The following TPH1 variants were observed in gnomAD, a reference collection of about 807,000 sequenced individuals.
The protein encoded by TPH1 is tryptophan 5-hydroxylase 1.
Under a neutral mutation model 49.5 loss-of-function variants are expected in TPH1, and 37 were observed. The observed-to-expected ratio is 0.75, with a 90% confidence interval of 0.58 to 0.98. The LOEUF (loss-of-function observed/expected upper bound fraction) is 0.98. Ranked by LOEUF, TPH1 falls within the 50% of genes least tolerant of loss-of-function variation. The pLI is 0.00. For synonymous variants in TPH1, 160 were observed against 182.1 expected (o/e 0.88, Z 0.98); for missense variants, 487 against 523.6 (o/e 0.93, Z 0.68).
rs773693413 is a variant in TPH1, at chr11:18,036,180, C to G, written c.118-38G>C. ...CAGGGAAAAGATTTCATGTAACTGC[C>G]TCAAATGTTAATAGTCTTTGAGCAG... On this transcript the variant is annotated intron_variant, in intron 2 of 10. Coordinates refer to ENST00000682019, the MANE Select transcript of TPH1 (RefSeq NM_004179.3). 2.6e-6 allele frequency: 4 copies of G among 1,517,844 alleles called. No homozygotes were observed. The Admixed American group carries it at 6.8e-5, about 26-fold the overall frequency. The allele number at this position is 1,517,844 out of a possible 1,614,324, so 94.0% of individuals were successfully genotyped here. A position where few individuals can be genotyped will look rare whatever the true frequency, so the allele number is the denominator to read the frequency against.
chr11:18,026,031 C>T (rs983957265), intron 7 of TPH1, among the ~76,000 whole-genome samples: 3 of 152,008 alleles, frequency 2.0e-5, no homozygotes, highest in Non-Finnish European at 2.9e-5. Flanking sequence ...CTTCCCTGAT[C>T]ACCCTTTTCA....
In TPH1 at chr11:18,018,792, CA is replaced by C. The variant is rs1482549691; in HGVS notation, c.*2198del. The C allele has an allele frequency of 7.3e-6, 1 of 136,924 alleles. No homozygotes were observed. The highest frequency in any genetic ancestry group is 2.7e-5 in the African/African-American group (1 of 36,564). The allele number at this position is 136,924 out of a possible 1,614,324, so 8.5% of individuals were successfully genotyped here. A position where few individuals can be genotyped will look rare whatever the true frequency, so the allele number is the denominator to read the frequency against. ...GCTTTAGTCATAGAGTGATTTTAAA[CA>C]TCATCATTTTAAAATTCAATAAGTA... is the stretch of plus-strand genomic sequence containing the variant. On this transcript the variant is annotated 3_prime_UTR_variant, in exon 11 of 11. Coordinates refer to ENST00000682019, the MANE Select transcript of TPH1 (RefSeq NM_004179.3).
intron 3 of TPH1, among the ~76,000 whole-genome samples, chr11:18,035,601 G>A (rs1036194640): frequency 6.6e-6 from 1 of 151,698 alleles, no homozygotes; most frequent in Non-Finnish European, 1.5e-5. Context: ...GCTAGTTTTT[G>A]TATTTTTTGC....
In TPH1 at chr11:18,021,681, C is replaced by G. The variant is rs143504052; in HGVS notation, c.1161-516G>C. 1.3e-3 allele frequency among the ~76,000 whole-genome samples: 203 copies of G among 152,218 alleles called. 1 individual carries two copies. The highest frequency in any genetic ancestry group is 4.5e-3 in the African/African-American group (186 of 41,534). ...ACCCCAAAATAGACTAGGAATGGTC[C>G]TACCTCCTGCACATGTTAGATTTTT... On this transcript the variant is annotated intron_variant, in intron 10 of 10. Coordinates refer to ENST00000682019, the MANE Select transcript of TPH1 (RefSeq NM_004179.3).
chr11:18,038,377 G>A (rs528768174), intron 2 of TPH1, among the ~76,000 whole-genome samples: 47 of 152,162 alleles, frequency 3.1e-4, no homozygotes, highest in Non-Finnish European at 5.9e-4. Flanking sequence ...ACACAGCAGC[G>A]TGCATAGGTC....
At position 18,019,748 on chromosome 11, in the gene TPH1, G is replaced by T; in HGVS notation, c.*1243C>A. ...CATCTTCATTTAGTGACTAGAGGGA[G>T]GAAAGGGGCAAATTAAAGAGACATA... On this transcript the variant is annotated 3_prime_UTR_variant, in exon 11 of 11. Coordinates refer to ENST00000682019, the MANE Select transcript of TPH1 (RefSeq NM_004179.3). 2.2e-6 allele frequency: 1 copy of T among 458,196 alleles called. No individual in the cohort carries two copies. The allele number at this position is 458,196 out of a possible 1,614,324, so 28.4% of individuals were successfully genotyped here. A position where few individuals can be genotyped will look rare whatever the true frequency, so the allele number is the denominator to read the frequency against.
chr11:18,045,834 A>C (rs1175556524), intron 1 of TPH1, among the ~76,000 whole-genome samples: 1 of 152,154 alleles, frequency 6.6e-6, no homozygotes, highest in African/African-American at 2.4e-5. Context: ...AAAAAAAGAG[A>C]CATTGCCCTT....
Position 18,017,969 on chromosome 11 carries a change from G to GT in TPH1, c.*3021dup, listed in dbSNP as rs1443879520. The stretch of plus-strand genomic sequence containing the variant: ...CGGCTGGGCATGGTGGCTCATGCTT[G>GT]TAATCCCAGCACTTTGGGAGGCCGA... On this transcript the variant is annotated 3_prime_UTR_variant, in exon 11 of 11. Transcript: ENST00000682019. 6.6e-6 allele frequency: 1 copy of GT among 152,202 alleles called. No homozygotes were observed. Among genetic ancestry groups the GT allele is most frequent in the East Asian group, 1.9e-4 (1 of 5,204 alleles). 9.4% of individuals were successfully genotyped at this position (152,202 alleles called of 1,614,324 possible).
Position 18,017,735 on chromosome 11 carries a change from T to C in TPH1, c.*3256A>G, listed in dbSNP as rs1259616621. 6.6e-6 allele frequency: 1 copy of C among 152,254 alleles called. No homozygotes were observed. Among genetic ancestry groups the C allele is most frequent in the African/African-American group, 2.4e-5 (1 of 41,470 alleles). The allele number at this position is 152,254 out of a possible 1,614,324, so 9.4% of individuals were successfully genotyped here. A position where few individuals can be genotyped will look rare whatever the true frequency, so the allele number is the denominator to read the frequency against. ...TTCCTTTAGAGAATTCAGGATTTTT[T>C]TCTTTTTTGAATTTGGAAGCCAACT... On this transcript the variant is annotated 3_prime_UTR_variant, in exon 11 of 11. Coordinates refer to ENST00000682019, the MANE Select transcript of TPH1 (RefSeq NM_004179.3).
In TPH1 at chr11:18,036,015, G is replaced by T. The variant is rs1223680162; in HGVS notation, c.245C>A (p.Ser82Tyr). The T allele has an allele frequency of 1.9e-6, 3 of 1,612,572 alleles. No individual in the cohort carries two copies. The highest frequency in any genetic ancestry group is 2.5e-6 in the Non-Finnish European group (3 of 1,179,858). Residue 82 changes from serine (S) to tyrosine (Y), a missense_variant, in exon 3 of 11, where the codon TCT becomes TAT. By Grantham distance (144) the Ser-to-Tyr change is moderately radical. Transcript: ENST00000682019. ...ATTCACAGAGAGAACATTGGTATGA[G>T]ACTTCAGCAGATGAAAAATATCATT... is the stretch of plus-strand genomic sequence containing the variant. ...QLNDIFHLLK[S>Y]HTNVLSVNLP...
chr11:18,025,205 T>C (rs1302782959), intron 8 of TPH1, among the ~76,000 whole-genome samples: 1 of 152,206 alleles, frequency 6.6e-6, no homozygotes, highest in Non-Finnish European at 1.5e-5. Context: ...AGATAACCTA[T>C]TATTGTAATC....
intron 4 of TPH1, among the ~76,000 whole-genome samples, chr11:18,032,251 C>A (rs971480838): frequency 1.3e-5 from 2 of 152,158 alleles, no homozygotes; most frequent in Non-Finnish European, 2.9e-5. Context: ...CAGGAAACAA[C>A]TTCCTAGTTC....
chr11:18,040,722 T>C lies in TPH1; in HGVS notation c.41A>G (p.Glu14Gly). 1 of 1,612,504 alleles carries C rather than the reference T, an allele frequency of 6.2e-7. No individual in the cohort carries two copies. Among genetic ancestry groups the C allele is most frequent in the Non-Finnish European group, 8.5e-7 (1 of 1,179,046 alleles). ...DNKENKDHSL[E>G]RGRASLIFSL... is the part of the protein sequence containing the mutation. The stretch of plus-strand genomic sequence containing the variant: ...AAAAATGAGACTTGCTCTTCCCCTT[T>C]CTAAGGAATGGTCTTTGTTCTCCTT... Residue 14 changes from glutamate to glycine, a missense_variant, in exon 2 of 11, where the codon GAA becomes GGA. Physicochemically the swap from Glu to Gly is moderately conservative, Grantham distance 98. Transcript: ENST00000682019.
At position 18,045,312 on chromosome 11, in the gene TPH1, A is replaced by G. The variant is rs1434529097; in HGVS notation, c.-27+929T>C. Among the ~76,000 whole-genome samples, 4 of 152,230 alleles carry G rather than the reference A, an allele frequency of 2.6e-5. No individual in the cohort carries two copies. The South Asian group carries it at 8.3e-4, about 32-fold the overall frequency. On this transcript the variant is annotated intron_variant, in intron 1 of 10. Coordinates refer to ENST00000682019, the MANE Select transcript of TPH1 (RefSeq NM_004179.3). ...ATACAAAAGAAAACACTATCCATGA[A>G]AAACAGTATTCTAGGAAATAAAGGC...
intron 2 of TPH1, among the ~76,000 whole-genome samples, chr11:18,038,476 A>G (rs190300511): frequency 2.6e-5 from 4 of 152,344 alleles, no homozygotes; most frequent in Admixed American, 2.0e-4. Flanking sequence ...CAAAGACTAC[A>G]TATTCTAAAG....
At position 18,020,012 on chromosome 11, in the gene TPH1, ACT is replaced by A. The variant is rs1854339262; in HGVS notation, c.*977_*978del. On this transcript the variant is annotated 3_prime_UTR_variant, in exon 11 of 11. Coordinates refer to ENST00000682019, the MANE Select transcript of TPH1 (RefSeq NM_004179.3). Reference sequence around the variant, plus strand: ...TCACCTTATACCTTAGAAATAAAGTACTCAGCACTGTTTTTTCTATCTTTTAC... The same window carrying A: ...TCACCTTATACCTTAGAAATAAAGTACAGCACTGTTTTTTCTATCTTTTAC... The A allele has an allele frequency of 4.1e-6, 1 of 244,516 alleles. No individual in the cohort carries two copies. The highest frequency in any genetic ancestry group is 2.3e-5 in the African/African-American group (1 of 43,542). 15.1% of individuals were successfully genotyped at this position (244,516 alleles called of 1,614,324 possible). A position where few individuals can be genotyped will look rare whatever the true frequency, so the allele number is the denominator to read the frequency against.
At chr11:18,035,360 T>C (rs531235098) in intron 3 of TPH1, among the ~76,000 whole-genome samples, 366 of 151,616 alleles carry the variant, frequency 2.4e-3, no homozygotes, top group Middle Eastern at 6.8e-3. Flanking sequence ...ATTGTCTGTC[T>C]TTCTTTTTCT....
intron 7 of TPH1, 111 bp from the exon 8 acceptor site, chr11:18,025,812 C>G: frequency 6.8e-7 from 1 of 1,470,060 alleles, no homozygotes; most frequent in Non-Finnish European, 9.4e-7. Flanking sequence ...GGTGATAATA[C>G]TTTAGTAATG....
In TPH1 at chr11:18,033,307, C is replaced by T; in HGVS notation, c.369G>A (p.Leu123=). Reference sequence around the variant, plus strand: ...CTGCATCTAGTTCAGATCCATACATCAGAACTCTGTTGGCACAATGGTCCA... The same window carrying T: ...CTGCATCTAGTTCAGATCCATACATTAGAACTCTGTTGGCACAATGGTCCA... ...SDLDHCANRV[L]MYGSELDADH... The change falls in exon 4 of 11, where the codon CTG becomes CTA. Residue 123 remains leucine (L), a synonymous_variant. Transcript: ENST00000682019. 6.2e-7 allele frequency: 1 copy of T among 1,614,028 alleles called. No individual in the cohort carries two copies. The highest frequency in any genetic ancestry group is 1.1e-5 in the South Asian group (1 of 91,078).
Sources: allele counts gnomAD v4.1 joint callset (sites outside exome capture counted in the v4.1 genomes callset), GRCh38; gene constraint gnomAD v4.1.1; transcripts MANE v1.5; gene names NCBI Gene and HGNC (gene_info 2026-07-23, HGNC 2026-07-21).